Variants in ROR1 observed in about 807,000 individuals in gnomAD.
The protein encoded by ROR1 is inactive tyrosine-protein kinase transmembrane receptor ROR1.
In ROR1, 19 loss-of-function variants were observed where a neutral mutation model predicts 78.8. The ratio of observed to expected loss-of-function variants is 0.24; its 90% confidence interval spans 0.17 to 0.35. ROR1 has a LOEUF of 0.35. Among genes scored for constraint, ROR1 ranks in the 10% least tolerant of loss-of-function variants. The probability of loss-of-function intolerance (pLI) is 1.00; values close to 1 mark genes in which losing one functional copy is unlikely to be tolerated. For missense variants in ROR1, 917 were observed against 1,177.8 expected, an observed-to-expected ratio of 0.78 and a Z score of 3.24; for synonymous variants, 386 against 433.6, an observed-to-expected ratio of 0.89 and a Z score of 1.36.
At chr1:63,922,660 T>C (rs1645666086) in intron 1 of ROR1, among the ~76,000 whole-genome samples, 1 of 152,152 alleles carries the variant, frequency 6.6e-6, no homozygotes. Flanking sequence ...AGCAGGCTTT[T>C]TCTTTTTAGT....
chr1:63,946,702 T>G (rs1185961683), intron 1 of ROR1, among the ~76,000 whole-genome samples: 1 of 152,226 alleles, frequency 6.6e-6, no homozygotes, highest in East Asian at 1.9e-4. Flanking sequence ...TTCAGGTATT[T>G]AGATTCTAAA....
intron 1 of ROR1, among the ~76,000 whole-genome samples, chr1:63,992,121 T>C (rs1453883869): frequency 6.6e-6 from 1 of 152,090 alleles, no homozygotes; most frequent in Non-Finnish European, 1.5e-5. Flanking sequence ...TCAGAGTCTG[T>C]TAGTACTGTG....
At chr1:64,153,832 G>C (rs1471185955) in intron 7 of ROR1, among the ~76,000 whole-genome samples, 1 of 152,090 alleles carries the variant, frequency 6.6e-6, no homozygotes, top group Non-Finnish European at 1.5e-5. Flanking sequence ...TGCACAACAA[G>C]AATAAATATA....
intron 1 of ROR1, among the ~76,000 whole-genome samples, chr1:63,805,864 A>T (rs1644825310): frequency 6.6e-6 from 1 of 152,158 alleles, no homozygotes; most frequent in South Asian, 2.1e-4. Context: ...AAATATATTT[A>T]AAAAATTAGC....
chr1:64,105,851 G>GT (rs773619078), intron 4 of ROR1: 5 of 152,170 alleles, frequency 3.3e-5, no homozygotes, highest in Non-Finnish European at 7.3e-5. Flanking sequence ...TGCTGTTTTG[G>GT]TTACTGTAGC....
At chr1:63,815,611 C>T (rs1294786881) in intron 1 of ROR1, among the ~76,000 whole-genome samples, 2 of 151,364 alleles carry the variant, frequency 1.3e-5, no homozygotes, top group Admixed American at 1.3e-4. Context: ...TGGTGAAATG[C>T]TTTAACCTTT....
intron 1 of ROR1, among the ~76,000 whole-genome samples, chr1:63,788,498 G>A (rs2100233037): frequency 6.6e-6 from 1 of 152,212 alleles, no homozygotes; most frequent in Non-Finnish European, 1.5e-5. Flanking sequence ...AAGTGCCACA[G>A]GGAGTTACAG....
At chr1:63,904,881 GT>G (rs1356378422) in intron 1 of ROR1, among the ~76,000 whole-genome samples, 1 of 152,178 alleles carries the variant, frequency 6.6e-6, no homozygotes, top group Non-Finnish European at 1.5e-5. Context: ...ACAAATTCCT[GT>G]TGTTTGATTC....
intron 1 of ROR1, among the ~76,000 whole-genome samples, chr1:63,852,598 A>G (rs898192790): frequency 1.7e-4 from 26 of 152,262 alleles, no homozygotes; most frequent in African/African-American, 6.3e-4. Context: ...TATATGATAC[A>G]AATTAATTGT....
At position 63,816,392 on chromosome 1, in the gene ROR1, A is replaced by G. The variant is rs1283832139; in HGVS notation, c.91+41884A>G. Among the ~76,000 whole-genome samples, 10 of 152,166 alleles carry G rather than the reference A, an allele frequency of 6.6e-5. No homozygotes were observed. In the East Asian group the frequency reaches 1.7e-3, roughly 26 times the overall value. ...GTTCTCATGACAGTGAGTAAGTCTC[A>G]TGAAACGTGATGGTTTTAAAAATGG... On this transcript the variant is annotated intron_variant, in intron 1 of 8. Coordinates refer to ENST00000371079, the MANE Select transcript of ROR1 (RefSeq NM_005012.4).
intron 1 of ROR1, chr1:63,843,147 G>T: frequency 1.2e-6 from 1 of 867,138 alleles, no homozygotes; most frequent in Non-Finnish European, 1.9e-6. Flanking sequence ...CCCGAGGGCA[G>T]ATGTGGGGCT....
intron 1 of ROR1, among the ~76,000 whole-genome samples, chr1:63,893,946 T>G (rs1645420157): frequency 6.6e-6 from 1 of 152,206 alleles, no homozygotes; most frequent in Admixed American, 6.5e-5. Context: ...ATTTTTTTCT[T>G]TCCTCATTAA....
intron 1 of ROR1, among the ~76,000 whole-genome samples, chr1:63,924,932 CTTTTTTTTTTT>C (rs751680204): frequency 0.018 from 1,512 of 85,050 alleles, 32 homozygotes; most frequent in African/African-American, 0.055. Flanking sequence ...AAAGGGGATG[CTTTTTTTTTTT>C]TTTTTTTTTT....
chr1:63,805,066 G>A (rs891424696), intron 1 of ROR1, among the ~76,000 whole-genome samples: 2 of 152,212 alleles, frequency 1.3e-5, no homozygotes, highest in Admixed American at 1.3e-4. Context: ...CGCTGAAAGG[G>A]AGGGTTCCTT....
At chr1:63,875,423 C>T (rs894050217) in intron 1 of ROR1, among the ~76,000 whole-genome samples, 1 of 152,084 alleles carries the variant, frequency 6.6e-6, no homozygotes, top group African/African-American at 2.4e-5. Flanking sequence ...ATTACTTTGC[C>T]TTTCTAAGCT....
chr1:64,074,854 A>G (rs1183737458), intron 4 of ROR1, among the ~76,000 whole-genome samples: 1 of 152,244 alleles, frequency 6.6e-6, no homozygotes, highest in East Asian at 1.9e-4. Context: ...ATTTTTTTCC[A>G]TCTGCACAAT....
chr1:64,002,224 C>A (rs1646390361), intron 1 of ROR1, among the ~76,000 whole-genome samples: 1 of 150,066 alleles, frequency 6.7e-6, no homozygotes, highest in Non-Finnish European at 1.5e-5. Context: ...ACCTCTGACT[C>A]CCTGGTTCAA....
intron 1 of ROR1, among the ~76,000 whole-genome samples, chr1:63,947,318 A>G (rs1645898341): frequency 2.0e-5 from 3 of 152,186 alleles, no homozygotes; most frequent in African/African-American, 4.8e-5. Flanking sequence ...CTAATATGGC[A>G]TTCTTAGAAC....
At chr1:64,141,888 T>C (rs956547616) in intron 6 of ROR1, among the ~76,000 whole-genome samples, 19 of 152,124 alleles carry the variant, frequency 1.2e-4, no homozygotes, top group African/African-American at 4.1e-4. Flanking sequence ...CTTAATGGGA[T>C]CTGCTTCTCA....
Sources: gnomAD v4.1 joint callset for allele counts (sites outside exome capture counted in the v4.1 genomes callset) on GRCh38, gnomAD v4.1.1 for gene constraint, MANE v1.5 for transcripts, NCBI Gene and HGNC (gene_info 2026-07-23, HGNC 2026-07-21) for gene names.